The following CNTN1 variants were observed in gnomAD, a reference collection of about 807,000 sequenced individuals.
CNTN1 encodes the protein contactin-1.
CNTN1 carries 38 observed loss-of-function variants against 126.4 expected under a neutral mutation model. The observed-to-expected ratio is 0.30, with a 90% CI of 0.23 to 0.39. CNTN1 has a LOEUF of 0.39. CNTN1 is among the 10% of genes least tolerant of loss of function. The pLI is 1.00. For missense variants in CNTN1, 1,009 were observed against 1,248.4 expected, an observed-to-expected ratio of 0.81 and a Z score of 2.89; for synonymous variants, 413 against 422.6, an observed-to-expected ratio of 0.98 and a Z score of 0.28.
intron 1 of CNTN1, among the ~76,000 whole-genome samples, chr12:40,877,333 G>T (rs566379102): frequency 6.6e-6 from 1 of 152,122 alleles, no homozygotes; most frequent in African/African-American, 2.4e-5. Flanking sequence ...TCATGGCATA[G>T]GTCCTGAGAG....
At chr12:40,870,939 A>G (rs2136669049) in intron 1 of CNTN1, among the ~76,000 whole-genome samples, 1 of 152,270 alleles carries the variant, frequency 6.6e-6, no homozygotes, top group South Asian at 2.1e-4. Flanking sequence ...TAAGAATAAA[A>G]GTGAGTGAAT....
chr12:40,900,046 C>T (rs1245257868), intron 1 of CNTN1, among the ~76,000 whole-genome samples: 4 of 152,082 alleles, frequency 2.6e-5, no homozygotes, highest in Non-Finnish European at 5.9e-5. Context: ...CATGTAATCC[C>T]TTTAAGTCAG....
intron 5 of CNTN1, among the ~76,000 whole-genome samples, chr12:40,923,531 A>G (rs1169511488): frequency 6.6e-6 from 1 of 152,136 alleles, no homozygotes; most frequent in Non-Finnish European, 1.5e-5. Context: ...AACAGGTTGC[A>G]TTGCACAAAA....
At chr12:41,005,862 G>C (rs35394094) in intron 17 of CNTN1, among the ~76,000 whole-genome samples, 1 of 152,080 alleles carries the variant, frequency 6.6e-6, no homozygotes, top group African/African-American at 2.4e-5. Context: ...TTGGGTTACA[G>C]TATACTGCTC....
At chr12:40,868,850 A>G (rs563746345) in intron 1 of CNTN1, among the ~76,000 whole-genome samples, 2 of 152,230 alleles carry the variant, frequency 1.3e-5, no homozygotes, top group South Asian at 4.1e-4. Context: ...CGCCACTGGT[A>G]CTGTGCTAGA....
At chr12:40,944,530 A>C (rs2136954139) in intron 14 of CNTN1, among the ~76,000 whole-genome samples, 1 of 152,172 alleles carries the variant, frequency 6.6e-6, no homozygotes, top group African/African-American at 2.4e-5. Flanking sequence ...AATCTTTGTT[A>C]TAATGATGAT....
chr12:40,796,306 T>G (rs918485031), intron 1 of CNTN1, among the ~76,000 whole-genome samples: 1 of 152,014 alleles, frequency 6.6e-6, no homozygotes, highest in Non-Finnish European at 1.5e-5. Flanking sequence ...TTAACCAACT[T>G]CAAGTCATAC....
intron 18 of CNTN1, among the ~76,000 whole-genome samples, chr12:41,015,902 A>G (rs996587675): frequency 3.3e-5 from 5 of 152,198 alleles, no homozygotes; most frequent in African/African-American, 9.6e-5. Context: ...TGAGAAAATG[A>G]TGAAAAACCA....
At chr12:40,847,101 C>T (rs1206955144) in intron 1 of CNTN1, among the ~76,000 whole-genome samples, 4 of 152,058 alleles carry the variant, frequency 2.6e-5, no homozygotes, top group African/African-American at 7.2e-5. Context: ...CTCCTGACTT[C>T]GTGATCCACC....
At chr12:40,933,369 G>A (rs1252040542) in intron 7 of CNTN1, 92 bp from the exon 8 acceptor site, 1 of 906,492 alleles carries the variant, frequency 1.1e-6, no homozygotes, top group Non-Finnish European at 1.8e-6. Flanking sequence ...TTCCATGTTG[G>A]AGCAGCTCTA....
chr12:40,711,365 G>A (rs899131591), intron 1 of CNTN1, among the ~76,000 whole-genome samples: 1 of 151,814 alleles, frequency 6.6e-6, no homozygotes, highest in African/African-American at 2.4e-5. Flanking sequence ...CCAATTTATT[G>A]TAGAGAAAAA....
chr12:41,031,534 TC>T (rs1398656391), intron 23 of CNTN1, among the ~76,000 whole-genome samples: 38 of 152,328 alleles, frequency 2.5e-4, no homozygotes, highest in African/African-American at 8.4e-4. Flanking sequence ...AACACATTGC[TC>T]ATACATTTCC....
chr12:40,861,799 A>G lies in CNTN1; in HGVS notation c.-76-46558A>G, dbSNP rs565753064. On this transcript the variant is annotated intron_variant, in intron 1 of 23. Coordinates refer to ENST00000551295, the MANE Select transcript of CNTN1 (RefSeq NM_001843.4). The stretch of plus-strand genomic sequence containing the variant: ...TTTGAATAATATTATGCCACTTTCT[A>G]TATAGTACAACCACCTTTACAACAG... 1.2e-4 allele frequency among the ~76,000 whole-genome samples: 18 copies of G among 152,286 alleles called. No individual in the cohort carries two copies. In the East Asian group the frequency reaches 3.3e-3, roughly 28 times the overall value.
At position 41,070,624 on chromosome 12, in the gene CNTN1, C is replaced by T. The variant is rs1215193072; in HGVS notation, c.*589C>T. The T allele has an allele frequency of 6.6e-6, 1 of 152,410 alleles. No individual in the cohort carries two copies. The highest frequency in any genetic ancestry group is 2.4e-5 in the African/African-American group (1 of 41,422). The allele number at this position is 152,410 out of a possible 1,614,324, so 9.4% of individuals were successfully genotyped here. On this transcript the variant is annotated 3_prime_UTR_variant, in exon 24 of 24. Coordinates refer to ENST00000551295, the MANE Select transcript of CNTN1 (RefSeq NM_001843.4). ...CAAATCATGAGTTGAAAGATTTTGACTATTGAAAACCAAATTCTAGAACTT... is the reference window on the plus strand; with the variant it reads ...CAAATCATGAGTTGAAAGATTTTGATTATTGAAAACCAAATTCTAGAACTT...
At chr12:40,727,397 G>A (rs1174955740) in intron 1 of CNTN1, among the ~76,000 whole-genome samples, 2 of 151,732 alleles carry the variant, frequency 1.3e-5, no homozygotes, top group Non-Finnish European at 2.9e-5. Context: ...TACATGGAAT[G>A]TAGAGGATTC....
chr12:40,803,474 T>C (rs1387006660), intron 1 of CNTN1, among the ~76,000 whole-genome samples: 1 of 152,024 alleles, frequency 6.6e-6, no homozygotes, highest in East Asian at 1.9e-4. Context: ...ATAGGGTCTC[T>C]TTTCAAACTG....
At chr12:40,980,230 G>A (rs1947783668) in intron 15 of CNTN1, among the ~76,000 whole-genome samples, 1 of 152,010 alleles carries the variant, frequency 6.6e-6, no homozygotes, top group Non-Finnish European at 1.5e-5. Flanking sequence ...CCCAGAACTT[G>A]GAGACCAGCC....
At chr12:40,741,582 A>C (rs558841468) in intron 1 of CNTN1, among the ~76,000 whole-genome samples, 37 of 152,068 alleles carry the variant, frequency 2.4e-4, no homozygotes, top group Non-Finnish European at 4.0e-4. Context: ...TTGAGCAACT[A>C]TTTGCACCGG....
At chr12:40,697,142 C>A (rs1202125579) in intron 1 of CNTN1, among the ~76,000 whole-genome samples, 1 of 152,240 alleles carries the variant, frequency 6.6e-6, no homozygotes, top group South Asian at 2.1e-4. Flanking sequence ...TTAGAAGTTA[C>A]CCAGGCAAAA....
Sources: gnomAD v4.1 joint callset for allele counts (sites outside exome capture counted in the v4.1 genomes callset) on GRCh38, gnomAD v4.1.1 for gene constraint, MANE v1.5 for transcripts, NCBI Gene and HGNC (gene_info 2026-07-23, HGNC 2026-07-21) for gene names.